Variants in RGP1 observed in about 807,000 individuals in gnomAD.
RGP1 encodes the protein RGP1 partner of RAB6A GEF complex.
A neutral mutation model predicts 44.5 loss-of-function variants in RGP1; 28 were observed. That is an observed-to-expected ratio of 0.63 (90% CI 0.47 to 0.86). RGP1 has a LOEUF of 0.86. RGP1 is among the 40% of genes least tolerant of loss of function. RGP1 has a pLI of 0.00. For missense variants in RGP1, 417 were observed against 490.7 expected (o/e 0.85, Z 1.42); for synonymous variants, 212 against 196.7 (o/e 1.08, Z -0.65).
At chr9:35,768,835 G>A in the RGP1 span, among the ~76,000 whole-genome samples, 2 of 152,180 alleles carry the variant, frequency 1.3e-5, no homozygotes, top group Non-Finnish European at 2.9e-5. Flanking sequence ...GAGAGACTGA[G>A]CAGTTTTTAT....
At chr9:35,760,588 G>A (rs914549026), downstream of RGP1, among the ~76,000 whole-genome samples, 3 of 152,180 alleles carry the variant, frequency 2.0e-5, no homozygotes, top group African/African-American at 4.8e-5. Context: ...TTTTAAAAGT[G>A]TGGTCTTTGA....
At chr9:35,779,201 T>G in the RGP1 span, among the ~76,000 whole-genome samples, 38 of 152,252 alleles carry the variant, frequency 2.5e-4, no homozygotes, top group Non-Finnish European at 3.8e-4. Context: ...GAAGTGGCCC[T>G]GCAACTTCCA....
chr9:35,768,816 T>A, the RGP1 span, among the ~76,000 whole-genome samples: 1 of 152,098 alleles, frequency 6.6e-6, no homozygotes, highest in African/African-American at 2.4e-5. Context: ...AGGAGAGGGG[T>A]TGCTATCTGA....
the RGP1 span, among the ~76,000 whole-genome samples, chr9:35,784,744 A>G: frequency 6.6e-6 from 1 of 152,148 alleles, no homozygotes; most frequent in African/African-American, 2.4e-5. Flanking sequence ...CTGGGATTAC[A>G]GGTGTGAGCC....
Position 35,752,164 on chromosome 9 carries a change from C to T in RGP1, c.952+19C>T. On this transcript the variant is annotated intron_variant, in intron 8 of 8. Coordinates refer to ENST00000378078, the MANE Select transcript of RGP1 (RefSeq NM_001080496.3). ...GCCATTGGTGAGACCCTCACTGTTACTGGAGAAGGGAGAGGGGGACAGTAA... is the reference window on the plus strand; with the variant it reads ...GCCATTGGTGAGACCCTCACTGTTATTGGAGAAGGGAGAGGGGGACAGTAA... The T allele has an allele frequency of 2.0e-6, 3 of 1,531,220 alleles. No individual in the cohort carries two copies. Among genetic ancestry groups the T allele is most frequent in the Non-Finnish European group, 2.6e-6 (3 of 1,140,582 alleles). The allele number at this position is 1,531,220 out of a possible 1,614,324, so 94.9% of individuals were successfully genotyped here. A position where few individuals can be genotyped will look rare whatever the true frequency, so the allele number is the denominator to read the frequency against.
chr9:35,764,135 A>G, the RGP1 span, among the ~76,000 whole-genome samples: 3 of 152,100 alleles, frequency 2.0e-5, no homozygotes, highest in African/African-American at 7.2e-5. Flanking sequence ...AAATAAAATA[A>G]AAAGAAGAAG....
chr9:35,765,584 G>A, the RGP1 span, among the ~76,000 whole-genome samples: 4 of 150,506 alleles, frequency 2.7e-5, no homozygotes, highest in Admixed American at 6.6e-5. Context: ...CTGAGTGTAG[G>A]AGGCGGAGGT....
At chr9:35,751,787 G>A in intron 7 of RGP1, 33 bp downstream of exon 7, 1 of 1,613,354 alleles carries the variant, frequency 6.2e-7, no homozygotes, top group Non-Finnish European at 8.5e-7. Flanking sequence ...TACCTGCTGG[G>A]GTGCTGGGGT....
rs557298479 is a variant in RGP1, at chr9:35,755,162, T to A, written c.*2288T>A. On this transcript the variant is annotated 3_prime_UTR_variant, in exon 9 of 9. Coordinates refer to ENST00000378078, the MANE Select transcript of RGP1 (RefSeq NM_001080496.3). ...GACTCCACTTAGCTATGTAACCTGG[T>A]CAGATTACTTCACCTCTCTGAGCCT... The A allele has an allele frequency of 1.1e-4, 17 of 152,296 alleles. No homozygotes were observed. Among genetic ancestry groups the A allele is most frequent in the African/African-American group, 3.9e-4 (16 of 41,548 alleles). The allele number at this position is 152,296 out of a possible 1,614,324, so 9.4% of individuals were successfully genotyped here. A position where few individuals can be genotyped will look rare whatever the true frequency, so the allele number is the denominator to read the frequency against.
chr9:35,780,315 G>T, the RGP1 span: 1 of 152,128 alleles, frequency 6.6e-6, no homozygotes, highest in Non-Finnish European at 1.5e-5. Flanking sequence ...ACCTGAGACT[G>T]GAGTTTTAAG....
At chr9:35,788,701 G>T in the RGP1 span, among the ~76,000 whole-genome samples, 1 of 152,200 alleles carries the variant, frequency 6.6e-6, no homozygotes. Context: ...GACCCTAGCT[G>T]GTTGCTGCTT....
At chr9:35,763,382 G>C (rs551182078), downstream of RGP1, among the ~76,000 whole-genome samples, 3 of 152,268 alleles carry the variant, frequency 2.0e-5, no homozygotes, top group Non-Finnish European at 4.4e-5. Flanking sequence ...GATTAACGGA[G>C]TCCCTCCCTA....
At chr9:35,784,616 G>C in the RGP1 span, among the ~76,000 whole-genome samples, 1 of 151,872 alleles carries the variant, frequency 6.6e-6, no homozygotes, top group Admixed American at 6.6e-5. Flanking sequence ...CCACACCTGG[G>C]TAATTTTTGT....
chr9:35,753,258 G>C lies in RGP1; in HGVS notation c.*384G>C. 1 of 1,614,016 alleles carries C rather than the reference G, an allele frequency of 6.2e-7. No homozygotes were observed. Among genetic ancestry groups the C allele is most frequent in the East Asian group, 2.2e-5 (1 of 44,880 alleles). ...TCCTGACGTACCTCACACCCAGCCGGGAAGTCGATGGGATGCTGGGACCTG... is the reference window on the plus strand; with the variant it reads ...TCCTGACGTACCTCACACCCAGCCGCGAAGTCGATGGGATGCTGGGACCTG... On this transcript the variant is annotated 3_prime_UTR_variant, in exon 9 of 9. Coordinates refer to ENST00000378078, the MANE Select transcript of RGP1 (RefSeq NM_001080496.3). The surrounding 1 kb of genome is among the most constrained non-coding windows in gnomAD (Gnocchi z 4.2).
chr9:35,775,970 C>T, the RGP1 span, among the ~76,000 whole-genome samples: 1 of 152,070 alleles, frequency 6.6e-6, no homozygotes, highest in Non-Finnish European at 1.5e-5. Context: ...ATTTTGGAGC[C>T]TGTTTATTTG....
chr9:35,763,820 T>G, the RGP1 span, among the ~76,000 whole-genome samples: 1 of 138,656 alleles, frequency 7.2e-6, no homozygotes, highest in Non-Finnish European at 1.5e-5. Flanking sequence ...AGATGGAGAT[T>G]GCAGTGAGTC....
chr9:35,775,979 T>C, the RGP1 span, among the ~76,000 whole-genome samples: 1 of 152,256 alleles, frequency 6.6e-6, no homozygotes, highest in African/African-American at 2.4e-5. Context: ...CCTGTTTATT[T>C]GACCTCTAAC....
Position 35,752,882 on chromosome 9 carries a change from C to T in RGP1, c.*8C>T. ...AGCACCATAACCATCTGAAACTGGC[C>T]CACCCTGGTGCTAGTTCCTTCCGGA... On this transcript the variant is annotated 3_prime_UTR_variant, in exon 9 of 9. Transcript: ENST00000378078. 6.2e-7 allele frequency: 1 copy of T among 1,612,470 alleles called. No homozygotes were observed. The highest frequency in any genetic ancestry group is 8.5e-7 in the Non-Finnish European group (1 of 1,179,038).
In RGP1 at chr9:35,754,173, G is replaced by C. The variant is rs748166122; in HGVS notation, c.*1299G>C. 6.3e-7 allele frequency: 1 copy of C among 1,585,464 alleles called. No homozygotes were observed. Among genetic ancestry groups the C allele is most frequent in the Non-Finnish European group, 8.6e-7 (1 of 1,163,922 alleles). ...TCAGACCCTTCTTGGCCTCTGCTCA[G>C]CTACTCTGGTCTTGACTCCTTGACT... On this transcript the variant is annotated 3_prime_UTR_variant, in exon 9 of 9. Coordinates refer to ENST00000378078, the MANE Select transcript of RGP1 (RefSeq NM_001080496.3).
Sources: gnomAD v4.1 joint callset for allele counts (sites outside exome capture counted in the v4.1 genomes callset) on GRCh38, gnomAD v4.1.1 for gene constraint, Gnocchi (gnomAD v3.1) non-coding constraint, MANE v1.5 for transcripts, NCBI Gene and HGNC (gene_info 2026-07-23, HGNC 2026-07-21) for gene names.